CEP120: variants seen among roughly 807,000 people sequenced by gnomAD.
The protein encoded by CEP120 is centrosomal protein of 120 kDa.
Under a neutral mutation model 126.5 loss-of-function variants are expected in CEP120, and 113 were observed. That is an observed-to-expected ratio of 0.89 (90% confidence interval 0.77 to 1.04). CEP120 has a LOEUF of 1.04. CEP120 is among the 50% of genes least tolerant of loss of function. The probability of loss-of-function intolerance (pLI) is 0.00; values close to 1 mark genes in which losing one functional copy is unlikely to be tolerated. For synonymous variants in CEP120, 400 were observed against 394.3 expected (o/e 1.01, Z -0.17); for missense variants, 1,230 against 1,155.7 (o/e 1.06, Z -0.93).
chr5:123,393,203 G>T, intron 6 of CEP120, 97 bp downstream of exon 6: 1 of 1,076,622 alleles, frequency 9.3e-7, no homozygotes, highest in Non-Finnish European at 1.4e-6. Context: ...TACTGAAATA[G>T]GATTAAGTTT....
At chr5:123,347,380 A>C (rs775573190) in intron 19 of CEP120, among the ~76,000 whole-genome samples, 4 of 152,122 alleles carry the variant, frequency 2.6e-5, no homozygotes, top group Non-Finnish European at 5.9e-5. Context: ...CGTTTTGGGG[A>C]TAGTGCAGTG....
chr5:123,356,710 G>A (rs536003261), intron 18 of CEP120, among the ~76,000 whole-genome samples: 5 of 151,588 alleles, frequency 3.3e-5, no homozygotes, highest in South Asian at 4.2e-4. Flanking sequence ...ACCTAATTAG[G>A]ACCCTTTCAA....
At chr5:123,358,435 GTCT>G (rs1769814387) in intron 18 of CEP120, 1 of 152,008 alleles carries the variant, frequency 6.6e-6, no homozygotes, top group Non-Finnish European at 1.5e-5. Context: ...ACACCAAACT[GTCT>G]TCTTTGGCTG....
intron 3 of CEP120, among the ~76,000 whole-genome samples, chr5:123,414,782 C>T (rs748184138): frequency 6.6e-6 from 1 of 151,402 alleles, no homozygotes; most frequent in African/African-American, 2.4e-5. Context: ...CTGGCTAACA[C>T]GGTGAAACCC....
At chr5:123,360,444 G>A (rs1375591111) in intron 18 of CEP120, among the ~76,000 whole-genome samples, 1 of 151,836 alleles carries the variant, frequency 6.6e-6, no homozygotes, top group African/African-American at 2.4e-5. Flanking sequence ...CAGAAAGTTT[G>A]TGGGATAAGG....
chr5:123,349,868 T>C (rs1270077005), intron 19 of CEP120, 76 bp downstream of exon 19: 3 of 1,179,262 alleles, frequency 2.5e-6, no homozygotes, highest in South Asian at 2.8e-5. Context: ...ATCTACTTTA[T>C]CCTTGGGAGA....
At chr5:123,357,723 C>T (rs1404986389) in intron 18 of CEP120, among the ~76,000 whole-genome samples, 1 of 152,012 alleles carries the variant, frequency 6.6e-6, no homozygotes, top group Non-Finnish European at 1.5e-5. Flanking sequence ...ACACCACTGC[C>T]CTCCAACTTG....
rs574976163 is a variant in CEP120 at position 123,349,798 on chromosome 5, C to G, written c.2726+146G>C. The stretch of plus-strand genomic sequence containing the variant: ...GGATTACAGGCATGCGCCACAGTAC[C>G]CAGCTGGCATAGATTTTCTATTGTA... On this transcript the variant is annotated intron_variant, in intron 19 of 19. Transcript: ENST00000306467. 5.1e-5 allele frequency: 33 copies of G among 649,032 alleles called. No homozygotes were observed. The African/African-American group carries it at 5.7e-4, about 11-fold the overall frequency. The allele number at this position is 649,032 out of a possible 1,614,324, so 40.2% of individuals were successfully genotyped here.
intron 5 of CEP120, among the ~76,000 whole-genome samples, chr5:123,397,739 T>C (rs896969808): frequency 3.3e-5 from 5 of 152,238 alleles, no homozygotes; most frequent in African/African-American, 9.6e-5. Flanking sequence ...TGGCCACTAA[T>C]TGCAAATTTC....
chr5:123,397,254 G>A (rs1002815396), intron 5 of CEP120, among the ~76,000 whole-genome samples: 1 of 152,184 alleles, frequency 6.6e-6, no homozygotes, highest in Admixed American at 6.5e-5. Flanking sequence ...AACCGGGAAG[G>A]CAGAGGTTGT....
At chr5:123,409,986 A>C (rs1437391348) in intron 4 of CEP120, among the ~76,000 whole-genome samples, 1 of 126,038 alleles carries the variant, frequency 7.9e-6, no homozygotes, top group Non-Finnish European at 1.7e-5. Flanking sequence ...AAAAAAAAAA[A>C]AAAAACCACA....
intron 8 of CEP120, among the ~76,000 whole-genome samples, chr5:123,389,474 A>C (rs1388412220): frequency 6.6e-6 from 1 of 152,126 alleles, no homozygotes; most frequent in Non-Finnish European, 1.5e-5. Context: ...CTTTGCATTG[A>C]AATTTTTTAT....
intron 2 of CEP120, 29 bp downstream of exon 2, chr5:123,418,330 A>G (rs780771260): frequency 7.9e-6 from 12 of 1,514,264 alleles, no homozygotes; most frequent in Non-Finnish European, 1.1e-5. Flanking sequence ...AGAAACCAAT[A>G]AAGAAGCTAA....
chr5:123,373,911 A>C lies in CEP120; in HGVS notation c.2359-1139T>G, dbSNP rs187905391. Among the ~76,000 whole-genome samples, 47 of 152,138 alleles carry C rather than the reference A, an allele frequency of 3.1e-4. No individual in the cohort carries two copies. The East Asian group carries it at 3.1e-3, about 10-fold the overall frequency. ...AGAGACAGTTACAACCTGGATCTCA[A>C]TTCTGTTTGAAAGCAAAAGAATACC... On this transcript the variant is annotated intron_variant, in intron 16 of 19. Transcript: ENST00000306467.
At chr5:123,399,332 C>A (rs754193341) in intron 4 of CEP120, 48 bp from the exon 5 acceptor site, 4 of 1,563,858 alleles carry the variant, frequency 2.6e-6, no homozygotes, top group Admixed American at 1.8e-5. Context: ...TTGTCATAAA[C>A]CATTATAAGA....
chr5:123,362,573 C>T (rs1237615190), intron 18 of CEP120, among the ~76,000 whole-genome samples: 2 of 151,732 alleles, frequency 1.3e-5, no homozygotes, highest in Non-Finnish European at 3.0e-5. Context: ...ATGTAGGGAT[C>T]TTTGTCAGGA....
At position 123,391,381 on chromosome 5, in the gene CEP120, C is replaced by T. The variant is rs201398187; in HGVS notation, c.811-44G>A. On this transcript the variant is annotated intron_variant, in intron 6 of 19. Transcript: ENST00000306467. ...ATCAAAATAGGGCTTTATACTTTCT[C>T]CTTTCTCCTAAATATCATAAACTTA... 9.2e-5 allele frequency: 127 copies of T among 1,386,958 alleles called. 1 individual carries two copies. The Middle Eastern group carries it at 1.8e-3, about 20-fold the overall frequency. 85.9% of individuals were successfully genotyped at this position (1,386,958 alleles called of 1,614,324 possible). A position where few individuals can be genotyped will look rare whatever the true frequency, so the allele number is the denominator to read the frequency against.
rs141424761 is a variant in CEP120 at position 123,372,709 on chromosome 5, G to A, written c.2422C>T (p.Gln808Ter). ...EKEFQQFKDQ[Q>*]NNKPEIRLQS... is the part of the protein sequence containing the mutation. ...AGACGGATTTCTGGTTTGTTGTTTT[G>A]CTGGTCCTTGAACTGTTGGAACTCT... The change falls in exon 17 of 20, where the codon CAA (glutamine) becomes TAA (stop). Residue 808 changes from glutamine (Q) to a stop codon, truncating the protein, a stop_gained. Coordinates refer to ENST00000306467, the MANE Select transcript of CEP120 (RefSeq NM_001375405.1). LOFTEE classifies it high-confidence loss of function. 3 of 1,610,810 alleles carry A rather than the reference G, an allele frequency of 1.9e-6. No homozygotes were observed. The highest frequency in any genetic ancestry group is 2.5e-6 in the Non-Finnish European group (3 of 1,178,100).
intron 16 of CEP120, 124 bp downstream of exon 16, chr5:123,377,247 CAAT>C (rs766466959): frequency 3.4e-5 from 28 of 821,302 alleles, no homozygotes; most frequent in Non-Finnish European, 5.4e-5. Flanking sequence ...AATCTCAGTG[CAAT>C]AATATGATTA....
Sources: gnomAD v4.1 joint callset for allele counts (sites outside exome capture counted in the v4.1 genomes callset) on GRCh38, gnomAD v4.1.1 for gene constraint, MANE v1.5 for transcripts, NCBI Gene and HGNC (gene_info 2026-07-23, HGNC 2026-07-21) for gene names.